TMEM132D: variants seen among roughly 807,000 people sequenced by gnomAD.
The protein encoded by TMEM132D is mature OL transmembrane protein.
TMEM132D carries 21 observed loss-of-function variants against 62.3 expected under a neutral mutation model. The ratio of observed to expected loss-of-function variants is 0.34; its 90% CI spans 0.24 to 0.49. The LOEUF (loss-of-function observed/expected upper bound fraction) is 0.49. TMEM132D is among the 20% of genes least tolerant of loss of function. The probability of loss-of-function intolerance (pLI) is 0.99; values close to 1 mark genes in which losing one functional copy is unlikely to be tolerated. For synonymous variants in TMEM132D, 621 were observed against 575.6 expected (o/e 1.08, Z -1.13); for missense variants, 1,346 against 1,402.8 (o/e 0.96, Z 0.65).
chr12:129,528,286 CTTTG>C (rs1290764628), intron 3 of TMEM132D, among the ~76,000 whole-genome samples: 1 of 152,168 alleles, frequency 6.6e-6, no homozygotes, highest in Non-Finnish European at 1.5e-5. Context: ...CATGATTTCT[CTTTG>C]TTTAATTCTC....
intron 1 of TMEM132D, among the ~76,000 whole-genome samples, chr12:129,877,486 G>T (rs1874455559): frequency 6.6e-6 from 1 of 152,202 alleles, no homozygotes; most frequent in Non-Finnish European, 1.5e-5. Context: ...AAACAGATAA[G>T]GTCACAGAGA....
chr12:129,441,299 C>T (rs1872929867), intron 3 of TMEM132D, among the ~76,000 whole-genome samples: 1 of 152,140 alleles, frequency 6.6e-6, no homozygotes, highest in South Asian at 2.1e-4. Context: ...CTCCCAAGAG[C>T]GAGTGCACTA....
chr12:129,238,516 T>C (rs1879846591), intron 4 of TMEM132D, among the ~76,000 whole-genome samples: 1 of 152,164 alleles, frequency 6.6e-6, no homozygotes, highest in Admixed American at 6.5e-5. Context: ...CAATCACCAT[T>C]CCACTTTTTG....
intron 2 of TMEM132D, among the ~76,000 whole-genome samples, chr12:129,678,611 A>G (rs1268149532): frequency 6.6e-6 from 1 of 152,100 alleles, no homozygotes; most frequent in Admixed American, 6.5e-5. Flanking sequence ...TTTGTCTTTG[A>G]TTTAAAAAGG....
At chr12:129,358,232 T>A (rs1870136418) in intron 3 of TMEM132D, among the ~76,000 whole-genome samples, 1 of 152,178 alleles carries the variant, frequency 6.6e-6, no homozygotes, top group African/African-American at 2.4e-5. Context: ...TATTTCTGGG[T>A]TTCATTGCTC....
intron 2 of TMEM132D, among the ~76,000 whole-genome samples, chr12:129,613,772 CCAAGGTGACTGTCT>C: frequency 6.6e-6 from 1 of 151,978 alleles, no homozygotes; most frequent in South Asian, 2.1e-4. Flanking sequence ...GTCTCCAGAA[CCAAGGTGACTGTCT>C]CCAGAACCCA....
At chr12:129,335,854 T>A (rs1905122) in intron 4 of TMEM132D, among the ~76,000 whole-genome samples, 147,094 of 152,340 alleles carry the variant, frequency 0.97, 71,233 homozygotes, top group East Asian at 1. Context: ...AACCAGAAAC[T>A]GTATGTTGGA....
In TMEM132D at chr12:129,650,600, G is replaced by C. The variant is rs141398095; in HGVS notation, c.968+49210C>G. ...GGAAGGTGAGAGTCCTGGCTGCTTC[G>C]TTTCATCACCAACAACTGGTGTTTC... On this transcript the variant is annotated intron_variant, in intron 2 of 8. Coordinates refer to ENST00000422113, the MANE Select transcript of TMEM132D (RefSeq NM_133448.3). Among the ~76,000 whole-genome samples the C allele has an allele frequency of 2.6e-3, 396 of 152,276 alleles. 2 individuals are homozygous for C. The highest frequency in any genetic ancestry group is 8.6e-3 in the African/African-American group (356 of 41,552).
intron 3 of TMEM132D, among the ~76,000 whole-genome samples, chr12:129,418,076 T>C (rs536487473): frequency 1.2e-4 from 18 of 152,272 alleles, no homozygotes; most frequent in African/African-American, 3.9e-4. Flanking sequence ...TGTGGAGAAA[T>C]AGGAACACTT....
In TMEM132D at chr12:129,725,622, T is replaced by C. The variant is rs545769371; in HGVS notation, c.80-24924A>G. Among the ~76,000 whole-genome samples the C allele has an allele frequency of 1.8e-4, 28 of 152,356 alleles. No individual in the cohort carries two copies. In the South Asian group the frequency reaches 5.6e-3, roughly 30 times the overall value. On this transcript the variant is annotated intron_variant, in intron 1 of 8. Coordinates refer to ENST00000422113, the MANE Select transcript of TMEM132D (RefSeq NM_133448.3). ...TTACAAGGCAAATAGTTTCACAGTGTACGTATGTGTGCCAATATATGTATA... is the reference window on the plus strand; with the variant it reads ...TTACAAGGCAAATAGTTTCACAGTGCACGTATGTGTGCCAATATATGTATA...
At chr12:129,205,800 T>C (rs1296931409) in intron 5 of TMEM132D, among the ~76,000 whole-genome samples, 1 of 150,958 alleles carries the variant, frequency 6.6e-6, no homozygotes, top group Non-Finnish European at 1.5e-5. Context: ...AAAAAAAAAA[T>C]TGAAACCATA....
At chr12:129,128,393 G>A (rs1876276616) in intron 5 of TMEM132D, among the ~76,000 whole-genome samples, 1 of 152,142 alleles carries the variant, frequency 6.6e-6, no homozygotes, top group Non-Finnish European at 1.5e-5. Flanking sequence ...CTGGTGGAAG[G>A]TGAAGAGGAA....
At chr12:129,175,612 G>A (rs1027881075) in intron 5 of TMEM132D, among the ~76,000 whole-genome samples, 1 of 152,138 alleles carries the variant, frequency 6.6e-6, no homozygotes, top group South Asian at 2.1e-4. Flanking sequence ...GGAGGCTGAC[G>A]CAAGAGAATC....
rs200793726 is a variant in TMEM132D, at chr12:129,290,586, TG to T, written c.1299+47047del. Among the ~76,000 whole-genome samples, 788 of 152,350 alleles carry T rather than the reference TG, an allele frequency of 5.2e-3. 7 individuals are homozygous for T. The highest frequency in any genetic ancestry group is 0.017 in the African/African-American group (717 of 41,596). The stretch of plus-strand genomic sequence containing the variant: ...TCATGAAAATTTGGTATAGGTTTTA[TG>T]TGTGCACAAATGTGTATAAAAGTAT... On this transcript the variant is annotated intron_variant, in intron 4 of 8. Coordinates refer to ENST00000422113, the MANE Select transcript of TMEM132D (RefSeq NM_133448.3).
rs79478259 is a variant in TMEM132D at position 129,511,240 on chromosome 12, T to C, written c.1115+19819A>G. On this transcript the variant is annotated intron_variant, in intron 3 of 8. Transcript: ENST00000422113. ...CTAACCTGCCTTCTGTCACTATTGA[T>C]TGGACTTCCCTTCTATAGAATTTCA... Among the ~76,000 whole-genome samples the C allele has an allele frequency of 9.5e-3, 1,450 of 152,316 alleles. 33 individuals carry two copies. The highest frequency in any genetic ancestry group is 0.062 in the East Asian group (320 of 5,174).
chr12:129,455,891 C>T (rs890480881), intron 3 of TMEM132D, among the ~76,000 whole-genome samples: 1 of 152,140 alleles, frequency 6.6e-6, no homozygotes, highest in African/African-American at 2.4e-5. Context: ...ACACTGACTC[C>T]ATTTTTTAAT....
chr12:129,755,278 C>T lies in TMEM132D; in HGVS notation c.80-54580G>A, dbSNP rs116067849. The stretch of plus-strand genomic sequence containing the variant: ...TCTACCTCTCCAAAGGTTTTTTGAG[C>T]CAGTCTTACCATCTCTCTGGTTCTC... On this transcript the variant is annotated intron_variant, in intron 1 of 8. Transcript: ENST00000422113. Among the ~76,000 whole-genome samples the T allele has an allele frequency of 6.2e-3, 938 of 152,318 alleles. 11 individuals are homozygous for T. Among genetic ancestry groups the T allele is most frequent in the African/African-American group, 0.019 (797 of 41,574 alleles).
intron 1 of TMEM132D, among the ~76,000 whole-genome samples, chr12:129,848,626 A>C (rs1490675964): frequency 6.6e-6 from 1 of 152,244 alleles, no homozygotes; most frequent in Non-Finnish European, 1.5e-5. Context: ...TCTGTTCAGG[A>C]AAATGTGGGC....
intron 5 of TMEM132D, among the ~76,000 whole-genome samples, chr12:129,176,752 G>A (rs7959736): frequency 0.16 from 24,003 of 152,290 alleles, 2,029 homozygotes; most frequent in Middle Eastern, 0.25. Flanking sequence ...AGAGCAGGCT[G>A]GGCATCACTT....
Sources: allele counts gnomAD v4.1 joint callset (sites outside exome capture counted in the v4.1 genomes callset), GRCh38; gene constraint gnomAD v4.1.1; transcripts MANE v1.5; gene names NCBI Gene and HGNC (gene_info 2026-07-23, HGNC 2026-07-21).